Variants in MBD5 observed in about 807,000 individuals in gnomAD.
MBD5 encodes methyl-CpG binding domain protein 5.
MBD5 carries 13 observed loss-of-function variants against 117.3 expected under a neutral mutation model. The ratio of observed to expected loss-of-function variants is 0.11; its 90% CI spans 0.07 to 0.18. MBD5 has a LOEUF of 0.18. Ranked by LOEUF, MBD5 falls within the 10% of genes least tolerant of loss-of-function variation. The pLI is 1.00. For missense variants in MBD5, 1,879 were observed against 2,093.8 expected (o/e 0.90, Z 2.00); for synonymous variants, 727 against 766.4 (o/e 0.95, Z 0.85).
intron 3 of MBD5, among the ~76,000 whole-genome samples, chr2:148,288,175 C>T (rs1046422011): frequency 7.4e-5 from 11 of 147,686 alleles, no homozygotes; most frequent in African/African-American, 2.0e-4. Context: ...CCGAGGCAGG[C>T]GGATCACGAG....
chr2:148,325,579 G>A (rs374024129), intron 3 of MBD5, among the ~76,000 whole-genome samples: 8 of 152,088 alleles, frequency 5.3e-5, no homozygotes, highest in Admixed American at 1.3e-4. Flanking sequence ...TGTATGTGTC[G>A]AGGAATTTAT....
At chr2:148,127,183 G>A (rs994097482) in intron 1 of MBD5, among the ~76,000 whole-genome samples, 7 of 152,006 alleles carry the variant, frequency 4.6e-5, no homozygotes. Context: ...TAGCCAGGAT[G>A]GTCTCGATCT....
At chr2:148,349,370 TCTC>T (rs1403097184) in intron 4 of MBD5, among the ~76,000 whole-genome samples, 15 of 152,032 alleles carry the variant, frequency 9.9e-5, no homozygotes, top group Non-Finnish European at 1.6e-4. Flanking sequence ...TAAAGCCTAT[TCTC>T]CTTCATATCA....
chr2:148,123,090 C>T (rs1035889180), intron 1 of MBD5, among the ~76,000 whole-genome samples: 3 of 152,172 alleles, frequency 2.0e-5, no homozygotes, highest in Non-Finnish European at 1.5e-5. Context: ...CTTTTACCTC[C>T]AATCCTAATG....
chr2:148,375,156 C>G (rs1384571608), intron 4 of MBD5, among the ~76,000 whole-genome samples: 1 of 152,180 alleles, frequency 6.6e-6, no homozygotes, highest in Non-Finnish European at 1.5e-5. Flanking sequence ...CATAGCATAT[C>G]TTAGGCCTCC....
intron 3 of MBD5, among the ~76,000 whole-genome samples, chr2:148,294,007 A>G (rs1701567823): frequency 1.3e-5 from 2 of 152,130 alleles, no homozygotes; most frequent in African/African-American, 4.8e-5. Flanking sequence ...ATCTTTTATA[A>G]TTACTTTTAC....
intron 1 of MBD5, among the ~76,000 whole-genome samples, chr2:148,143,193 G>A (rs983989885): frequency 1.4e-4 from 21 of 152,178 alleles, no homozygotes; most frequent in Admixed American, 9.2e-4. Flanking sequence ...ACGTACAGCA[G>A]GTCCTCAAAT....
intron 6 of MBD5, 24 bp from the exon 7 acceptor site, chr2:148,463,715 A>G: frequency 6.2e-7 from 1 of 1,612,826 alleles, no homozygotes. Context: ...GACATATTCT[A>G]AACAAAGGCT....
chr2:148,160,939 C>T (rs920663946), intron 1 of MBD5, among the ~76,000 whole-genome samples: 3 of 152,084 alleles, frequency 2.0e-5, no homozygotes, highest in Admixed American at 6.6e-5. Context: ...TTGCTTTGCA[C>T]GTAGTAGGAG....
chr2:148,073,852 A>G (rs1398328777), intron 1 of MBD5, among the ~76,000 whole-genome samples: 1 of 152,196 alleles, frequency 6.6e-6, no homozygotes, highest in Non-Finnish European at 1.5e-5. Flanking sequence ...CTACTGTGCC[A>G]TATGCCATAA....
intron 4 of MBD5, among the ~76,000 whole-genome samples, chr2:148,361,370 A>AC (rs1703528748): frequency 1.3e-5 from 2 of 152,098 alleles, no homozygotes; most frequent in Admixed American, 6.5e-5. Context: ...ACAAAACAAA[A>AC]AAAAAAACGT....
chr2:148,147,575 A>G (rs934413999), intron 1 of MBD5, among the ~76,000 whole-genome samples: 15 of 151,902 alleles, frequency 9.9e-5, no homozygotes, highest in South Asian at 4.2e-4. Context: ...TTAACTGTCA[A>G]CTCTAAAAAT....
chr2:148,434,459 A>G (rs895624137), intron 4 of MBD5, among the ~76,000 whole-genome samples: 2 of 151,320 alleles, frequency 1.3e-5, no homozygotes, highest in African/African-American at 4.8e-5. Flanking sequence ...TTTTAGTTGT[A>G]ATGTCAGGTT....
At chr2:148,390,517 A>G (rs200923958) in intron 4 of MBD5, among the ~76,000 whole-genome samples, 54,933 of 148,678 alleles carry the variant, frequency 0.37, 11,135 homozygotes, top group East Asian at 0.65. Flanking sequence ...GTATGTATAT[A>G]TGTGTGTGTG....
At position 148,250,052 on chromosome 2, in the gene MBD5, A is replaced by C. The variant is rs143273181; in HGVS notation, c.-680+16657A>C. ...CTCTACCTCTCATAACTACCCTCGT[A>C]GACCCACTCATCTTCCTAATACAAT... On this transcript the variant is annotated intron_variant, in intron 3 of 13. Coordinates refer to ENST00000642680, the MANE Select transcript of MBD5 (RefSeq NM_001378120.1). 5.9e-3 allele frequency among the ~76,000 whole-genome samples: 891 copies of C among 152,294 alleles called. 5 individuals are homozygous for C. The highest frequency in any genetic ancestry group is 0.017 in the Middle Eastern group (5 of 294).
chr2:148,340,807 C>G (rs932804515), intron 3 of MBD5, among the ~76,000 whole-genome samples: 6 of 149,286 alleles, frequency 4.0e-5, no homozygotes, highest in African/African-American at 1.5e-4. Context: ...TATAATTAAC[C>G]CCACTCAGAT....
rs1010233509 is a variant in MBD5 at position 148,083,588 on chromosome 2, G to A, written c.-925+61904G>A. On this transcript the variant is annotated intron_variant, in intron 1 of 13. Coordinates refer to ENST00000642680, the MANE Select transcript of MBD5 (RefSeq NM_001378120.1). ...CAATCAAGGTCCTATATTACACCCT[G>A]TCCTTACTCAAATAGTTTCATTTTT... Among the ~76,000 whole-genome samples the A allele has an allele frequency of 2.0e-5, 3 of 151,884 alleles. No individual in the cohort carries two copies. In the South Asian group the frequency reaches 6.3e-4, roughly 32 times the overall value.
intron 2 of MBD5, among the ~76,000 whole-genome samples, chr2:148,218,297 A>G (rs765334000): frequency 6.6e-6 from 1 of 152,166 alleles, no homozygotes; most frequent in Non-Finnish European, 1.5e-5. Context: ...CCTTGGATCA[A>G]CGGATACCTG....
At chr2:148,059,380 C>T (rs1694963945) in intron 1 of MBD5, among the ~76,000 whole-genome samples, 1 of 152,020 alleles carries the variant, frequency 6.6e-6, no homozygotes, top group Non-Finnish European at 1.5e-5. Flanking sequence ...AAAGAATTTT[C>T]CTGTCCTATT....
Sources: allele counts gnomAD v4.1 joint callset (sites outside exome capture counted in the v4.1 genomes callset), GRCh38; gene constraint gnomAD v4.1.1; transcripts MANE v1.5; gene names NCBI Gene and HGNC (gene_info 2026-07-23, HGNC 2026-07-21).